Variants in ASIC5 observed in about 807,000 individuals in gnomAD.
The protein encoded by ASIC5 is bile acid-sensitive ion channel.
Under a neutral mutation model 51.2 loss-of-function variants are expected in ASIC5, and 52 were observed. That is an observed-to-expected ratio of 1.02 (90% CI 0.81 to 1.28). The LOEUF is 1.28. ASIC5 is among the 50% of genes most tolerant of loss of function. ASIC5 has a pLI of 0.00. For missense variants in ASIC5, 635 were observed against 595.0 expected (o/e 1.07, Z -0.70); for synonymous variants, 231 against 200.7 (o/e 1.15, Z -1.28).
intron 3 of ASIC5, among the ~76,000 whole-genome samples, chr4:155,852,794 C>T (rs138854655): frequency 3.3e-4 from 50 of 152,072 alleles, no homozygotes; most frequent in African/African-American, 1.1e-3. Flanking sequence ...ACCTCACCTT[C>T]TTGCCTCAGT....
intron 8 of ASIC5, among the ~76,000 whole-genome samples, chr4:155,835,426 A>G (rs891873942): frequency 1.3e-4 from 20 of 149,868 alleles, no homozygotes; most frequent in South Asian, 1.3e-3. Context: ...AAAAAAAAAA[A>G]AGAAAAAAAA....
chr4:155,854,012 A>G (rs1178852951), intron 3 of ASIC5, 65 bp downstream of exon 3: 7 of 1,239,350 alleles, frequency 5.6e-6, no homozygotes, highest in African/African-American at 3.0e-5. Context: ...TGGGAGCTCA[A>G]TGTGAAACAG....
intron 3 of ASIC5, 107 bp from the exon 4 acceptor site, chr4:155,852,423 C>A (rs899559191): frequency 2.3e-6 from 2 of 884,640 alleles, no homozygotes; most frequent in Non-Finnish European, 3.4e-6. Flanking sequence ...AACAAGACTG[C>A]AGAAATATCA....
At chr4:155,842,074 A>T (rs1189425775) in intron 6 of ASIC5, 133 bp downstream of exon 6, 5 of 831,338 alleles carry the variant, frequency 6.0e-6, no homozygotes, top group Non-Finnish European at 9.1e-6. Context: ...GGTCAGCAAC[A>T]TCTGTAATTA....
At chr4:155,838,324 CT>C (rs1553951219) in intron 7 of ASIC5, among the ~76,000 whole-genome samples, 12 of 152,018 alleles carry the variant, frequency 7.9e-5, no homozygotes, top group Non-Finnish European at 1.8e-4. Context: ...AAAGAGGGGG[CT>C]CTTTAATAAG....
intron 5 of ASIC5, among the ~76,000 whole-genome samples, 162 bp downstream of exon 5, chr4:155,843,518 TA>T (rs1414350531): frequency 5.6e-4 from 86 of 152,266 alleles, no homozygotes; most frequent in African/African-American, 2.0e-3. Context: ...CTGTTTCCAC[TA>T]ATCATGTACC....
chr4:155,844,987 C>A (rs749498706), intron 4 of ASIC5, among the ~76,000 whole-genome samples: 1 of 151,942 alleles, frequency 6.6e-6, no homozygotes, highest in Admixed American at 6.6e-5. Flanking sequence ...AGTCTGCTAG[C>A]AGCACATTTT....
intron 1 of ASIC5, chr4:155,864,382 G>A (rs1011432153): frequency 6.6e-5 from 10 of 152,022 alleles, no homozygotes; most frequent in African/African-American, 1.4e-4. Flanking sequence ...AGTCTATCAG[G>A]AATCAATCAA....
At chr4:155,833,468 T>G (rs953041137) in intron 8 of ASIC5, among the ~76,000 whole-genome samples, 8 of 152,312 alleles carry the variant, frequency 5.3e-5, no homozygotes, top group African/African-American at 1.9e-4. Context: ...CATTAATATG[T>G]TTACTTAATT....
chr4:155,838,777 A>T (rs917043161), intron 7 of ASIC5, 36 bp downstream of exon 7: 1 of 1,362,788 alleles, frequency 7.3e-7, no homozygotes, highest in Admixed American at 1.8e-5. Context: ...CAACTTTAAT[A>T]TAAATCCTGA....
At chr4:155,854,355 C>T in intron 2 of ASIC5, 41 bp from the exon 3 acceptor site, 1 of 1,311,798 alleles carries the variant, frequency 7.6e-7, no homozygotes, top group Non-Finnish European at 1.1e-6. Context: ...ATAATGAAAA[C>T]TTATAATTAT....
intron 2 of ASIC5, among the ~76,000 whole-genome samples, chr4:155,859,831 A>G (rs1741648413): frequency 6.6e-6 from 1 of 152,042 alleles, no homozygotes; most frequent in African/African-American, 2.4e-5. Flanking sequence ...CACAGAATGC[A>G]TACTGGTGTG....
In ASIC5 at chr4:155,846,609, G is replaced by C. The variant is rs145052737; in HGVS notation, c.712-2779C>G. Among the ~76,000 whole-genome samples the C allele has an allele frequency of 1.6e-3, 242 of 152,166 alleles. 1 individual carries two copies. Among genetic ancestry groups the C allele is most frequent in the African/African-American group, 4.6e-3 (189 of 41,538 alleles). On this transcript the variant is annotated intron_variant, in intron 4 of 9. Coordinates refer to ENST00000537611, the MANE Select transcript of ASIC5 (RefSeq NM_017419.3). Reference sequence around the variant, plus strand: ...GTTAGAAGCAAGATGGAGTCAATTAGGTCGTATCTTTTTCACTGCCTCAGT... The same window carrying C: ...GTTAGAAGCAAGATGGAGTCAATTACGTCGTATCTTTTTCACTGCCTCAGT...
intron 9 of ASIC5, among the ~76,000 whole-genome samples, chr4:155,830,422 C>T (rs995882283): frequency 6.6e-6 from 1 of 151,998 alleles, no homozygotes; most frequent in African/African-American, 2.4e-5. Context: ...ATGATGTTTT[C>T]CAGAAAATTA....
At chr4:155,835,221 G>A (rs1740949800) in intron 8 of ASIC5, among the ~76,000 whole-genome samples, 2 of 152,028 alleles carry the variant, frequency 1.3e-5, no homozygotes, top group South Asian at 4.1e-4. Context: ...TAGGGTTGCA[G>A]GCACCCAATG....
At position 155,846,597 on chromosome 4, in the gene ASIC5, T is replaced by G. The variant is rs192047096; in HGVS notation, c.712-2767A>C. On this transcript the variant is annotated intron_variant, in intron 4 of 9. Coordinates refer to ENST00000537611, the MANE Select transcript of ASIC5 (RefSeq NM_017419.3). ...GACAGCTTGGAGGTTAGAAGCAAGATGGAGTCAATTAGGTCGTATCTTTTT... is the reference window on the plus strand; with the variant it reads ...GACAGCTTGGAGGTTAGAAGCAAGAGGGAGTCAATTAGGTCGTATCTTTTT... Among the ~76,000 whole-genome samples the G allele has an allele frequency of 3.7e-3, 568 of 152,228 alleles. 5 individuals are homozygous for G. Among genetic ancestry groups the G allele is most frequent in the African/African-American group, 0.013 (546 of 41,566 alleles).
At chr4:155,863,366 GA>G in intron 2 of ASIC5, 81 bp downstream of exon 2, 1 of 1,149,550 alleles carries the variant, frequency 8.7e-7, no homozygotes, top group South Asian at 1.6e-5. Flanking sequence ...TTCCACATGA[GA>G]AAACTCTTTG....
intron 4 of ASIC5, among the ~76,000 whole-genome samples, chr4:155,847,285 T>C (rs989450042): frequency 4.6e-5 from 7 of 152,264 alleles, no homozygotes; most frequent in East Asian, 1.9e-4. Flanking sequence ...TCTTCCTGTA[T>C]GTGCTTTTAA....
intron 8 of ASIC5, 134 bp downstream of exon 8, chr4:155,836,555 T>C (rs551210127): frequency 2.3e-4 from 126 of 536,640 alleles, no homozygotes; most frequent in African/African-American, 2.0e-3. Flanking sequence ...TATGGTTTCA[T>C]TGTCAGTTCA....
Sources: gnomAD v4.1 joint callset for allele counts (sites outside exome capture counted in the v4.1 genomes callset) on GRCh38, gnomAD v4.1.1 for gene constraint, MANE v1.5 for transcripts, NCBI Gene and HGNC (gene_info 2026-07-23, HGNC 2026-07-21) for gene names.